CHODL: variants seen among roughly 807,000 people sequenced by gnomAD.
The protein encoded by CHODL is chondrolectin.
CHODL carries 29 observed loss-of-function variants against 34.5 expected under a neutral mutation model. The ratio of observed to expected loss-of-function variants is 0.84; its 90% CI spans 0.63 to 1.15. The LOEUF is 1.15. Among genes scored for constraint, CHODL ranks in the 50% most tolerant of loss-of-function variants. CHODL has a pLI of 0.00. For missense variants in CHODL, 332 were observed against 332.5 expected, an observed-to-expected ratio of 1.00 and a Z score of 0.01; for synonymous variants, 125 against 116.1, an observed-to-expected ratio of 1.08 and a Z score of -0.49.
At chr21:17,929,998 A>G (rs1370426328) in intron 1 of CHODL, among the ~76,000 whole-genome samples, 1 of 152,092 alleles carries the variant, frequency 6.6e-6, no homozygotes, top group Non-Finnish European at 1.5e-5. Flanking sequence ...CTTCTGCCTG[A>G]GCATTTTGGC....
intron 2 of CHODL, among the ~76,000 whole-genome samples, chr21:18,109,248 G>A (rs1033870913): frequency 2.0e-5 from 3 of 152,100 alleles, no homozygotes; most frequent in African/African-American, 7.2e-5. Flanking sequence ...CAAAAGTTAT[G>A]GTAGAGGGTA....
At chr21:18,079,482 A>G (rs1201148609) in intron 2 of CHODL, among the ~76,000 whole-genome samples, 1 of 148,858 alleles carries the variant, frequency 6.7e-6, no homozygotes, top group Admixed American at 6.8e-5. Context: ...TATATATACC[A>G]TATTACCATA....
chr21:18,207,431 ACTT>A (rs2073724454), intron 2 of CHODL, among the ~76,000 whole-genome samples: 1 of 152,142 alleles, frequency 6.6e-6, no homozygotes, highest in Admixed American at 6.5e-5. Flanking sequence ...AAGTGGTCAT[ACTT>A]CTTATTTTTG....
chr21:18,241,066 C>T (rs2074077381), upstream of CHODL, among the ~76,000 whole-genome samples: 1 of 152,102 alleles, frequency 6.6e-6, no homozygotes, highest in Non-Finnish European at 1.5e-5. Context: ...ATGTATTCTA[C>T]AGCATAGACA....
chr21:18,015,468 AG>A (rs1404264815), intron 1 of CHODL, among the ~76,000 whole-genome samples: 9 of 152,174 alleles, frequency 5.9e-5, no homozygotes, highest in Admixed American at 5.9e-4. Flanking sequence ...AGTCTCAGGT[AG>A]TTCTTTATAG....
At chr21:18,064,776 C>G (rs1056875287) in intron 2 of CHODL, among the ~76,000 whole-genome samples, 3 of 152,098 alleles carry the variant, frequency 2.0e-5, no homozygotes, top group Non-Finnish European at 4.4e-5. Context: ...CGCACACACA[C>G]GTATGTAAAT....
rs114555717 is a variant in CHODL at position 18,016,809 on chromosome 21, G to T, written c.-144-11063G>T. ...CCTGCAGAGCCACAGAGGCAGAGCT[G>T]CCCAAGACCTTGGAAACCCACCACT... On this transcript the variant is annotated intron_variant, in intron 1 of 6. Coordinates refer to the CHODL transcript ENST00000400127. 4.9e-3 allele frequency among the ~76,000 whole-genome samples: 751 copies of T among 152,348 alleles called. 7 individuals are homozygous for T. The highest frequency in any genetic ancestry group is 0.018 in the African/African-American group (730 of 41,584).
intron 1 of CHODL, among the ~76,000 whole-genome samples, chr21:17,986,626 C>T (rs1434519692): frequency 1.3e-5 from 2 of 152,174 alleles, no homozygotes; most frequent in Non-Finnish European, 1.5e-5. Context: ...AGTAAACATA[C>T]GTGTGCATGT....
At chr21:18,183,080 C>T (rs1428110989) in intron 2 of CHODL, among the ~76,000 whole-genome samples, 2 of 152,168 alleles carry the variant, frequency 1.3e-5, no homozygotes, top group East Asian at 1.9e-4. Context: ...CACTAAAAAC[C>T]TCATTCCTTT....
chr21:18,090,183 A>C (rs2065054860), intron 2 of CHODL, among the ~76,000 whole-genome samples: 1 of 152,240 alleles, frequency 6.6e-6, no homozygotes, highest in Non-Finnish European at 1.5e-5. Context: ...TACCCTGGCC[A>C]AACAAACAGA....
At chr21:18,216,492 T>G (rs1230855193) in intron 2 of CHODL, among the ~76,000 whole-genome samples, 5 of 151,954 alleles carry the variant, frequency 3.3e-5, no homozygotes, top group Admixed American at 1.3e-4. Flanking sequence ...TTCTAGGAGA[T>G]TCATTTTTTT....
At chr21:18,144,721 T>C (rs2146615557) in intron 2 of CHODL, among the ~76,000 whole-genome samples, 1 of 152,110 alleles carries the variant, frequency 6.6e-6, no homozygotes, top group East Asian at 1.9e-4. Context: ...ATAAAAAAAA[T>C]CACTTTTTTT....
At chr21:17,949,987 A>T (rs2063442922) in intron 1 of CHODL, among the ~76,000 whole-genome samples, 1 of 152,196 alleles carries the variant, frequency 6.6e-6, no homozygotes, top group South Asian at 2.1e-4. Flanking sequence ...ATAGAAAAAA[A>T]TACCAAAAAC....
intron 2 of CHODL, among the ~76,000 whole-genome samples, chr21:18,224,214 T>C (rs924837787): frequency 6.6e-6 from 1 of 152,172 alleles, no homozygotes; most frequent in African/African-American, 2.4e-5. Flanking sequence ...AGGCTGATTC[T>C]TGGAATTTTT....
At chr21:18,132,955 AC>A (rs1172025201) in intron 2 of CHODL, among the ~76,000 whole-genome samples, 1 of 151,804 alleles carries the variant, frequency 6.6e-6, no homozygotes, top group Non-Finnish European at 1.5e-5. Context: ...CTTTCTTACA[AC>A]CTATGACTCT....
chr21:18,084,866 G>C (rs1011307036), intron 2 of CHODL, among the ~76,000 whole-genome samples: 1 of 151,528 alleles, frequency 6.6e-6, no homozygotes, highest in African/African-American at 2.4e-5. Context: ...TGAGAGAGGT[G>C]TTAAAGTCCC....
intron 2 of CHODL, among the ~76,000 whole-genome samples, chr21:18,166,379 A>G (rs1435936366): frequency 2.6e-5 from 4 of 152,184 alleles, no homozygotes; most frequent in Non-Finnish European, 5.9e-5. Context: ...AACCTTAATT[A>G]TACATACAAA....
At chr21:18,040,127 C>G (rs1160378557) in intron 2 of CHODL, among the ~76,000 whole-genome samples, 3 of 151,730 alleles carry the variant, frequency 2.0e-5, no homozygotes, top group African/African-American at 4.8e-5. Flanking sequence ...TTGTTAAAGG[C>G]CCTATTTATC....
In CHODL at chr21:17,955,743, G is replaced by A. The variant is rs1405106480; in HGVS notation, c.-145+38343G>A. Among the ~76,000 whole-genome samples, 2 of 136,680 alleles carry A rather than the reference G, an allele frequency of 1.5e-5. 1 individual carries two copies. Among genetic ancestry groups the A allele is most frequent in the Non-Finnish European group, 3.3e-5 (2 of 60,106 alleles). The allele number at this position is 136,680 out of a possible 152,430, so 89.7% of individuals were successfully genotyped here. ...GGGAAAAAAATTGCTTGCTTTTTTG[G>A]GAATAGACTTTTATAAAAACCTGAA... On this transcript the variant is annotated intron_variant, in intron 1 of 6. Coordinates refer to the CHODL transcript ENST00000400127.
Sources: allele counts gnomAD v4.1 joint callset (sites outside exome capture counted in the v4.1 genomes callset), GRCh38; gene constraint gnomAD v4.1.1; transcripts MANE v1.5; gene names NCBI Gene and HGNC (gene_info 2026-07-23, HGNC 2026-07-21).